PHLDB2: variants seen among roughly 807,000 people sequenced by gnomAD.
PHLDB2 encodes the protein pleckstrin homology like domain family B member 2, also known as pleckstrin homology-like domain family B member 2.
PHLDB2 carries 71 observed loss-of-function variants against 123.6 expected under a neutral mutation model. That is an observed-to-expected ratio of 0.57 (90% CI 0.47 to 0.70). The LOEUF (loss-of-function observed/expected upper bound fraction) is 0.70. Ranked by LOEUF, PHLDB2 falls within the 30% of genes least tolerant of loss-of-function variation. The pLI, the probability that PHLDB2 is intolerant of heterozygous loss-of-function variation, is 0.00. For synonymous variants in PHLDB2, 547 were observed against 541.6 expected, an observed-to-expected ratio of 1.01 and a Z score of -0.14; for missense variants, 1,446 against 1,519.5, an observed-to-expected ratio of 0.95 and a Z score of 0.80.
intron 1 of PHLDB2, among the ~76,000 whole-genome samples, chr3:111,738,586 AC>A (rs2059549140): frequency 6.6e-6 from 1 of 152,072 alleles, no homozygotes; most frequent in South Asian, 2.1e-4. Flanking sequence ...AGTAGGCCAA[AC>A]CACAGCTTCT....
chr3:111,861,509 A>C (rs2064835525), intron 1 of PHLDB2, among the ~76,000 whole-genome samples: 1 of 152,180 alleles, frequency 6.6e-6, no homozygotes, highest in African/African-American at 2.4e-5. Context: ...AGCCTGTCAG[A>C]AGTGGAAAAA....
chr3:111,955,930 G>A (rs1208055129), intron 12 of PHLDB2, among the ~76,000 whole-genome samples: 1 of 152,174 alleles, frequency 6.6e-6, no homozygotes. Flanking sequence ...GCCAGGTGTG[G>A]TGGCTCATGC....
At chr3:111,954,496 A>G (rs2070913431) in intron 12 of PHLDB2, among the ~76,000 whole-genome samples, 1 of 152,162 alleles carries the variant, frequency 6.6e-6, no homozygotes. Context: ...TGTAGATTTG[A>G]GCTTTTATAC....
At chr3:111,825,557 C>T (rs1185633718) in intron 1 of PHLDB2, among the ~76,000 whole-genome samples, 3 of 152,220 alleles carry the variant, frequency 2.0e-5, no homozygotes, top group Non-Finnish European at 2.9e-5. Flanking sequence ...AAGCTGTTCT[C>T]GTGCCTCAGC....
At chr3:111,732,694 A>T (rs1941538984) in exon 1 of PHLDB2, 1 of 1,535,230 alleles carries the variant, frequency 6.5e-7, no homozygotes, top group Non-Finnish European at 8.7e-7. Context: ...ATTGAAAAGC[A>T]GCAGACAAGG....
At chr3:111,851,352 T>G (rs1276458667) in intron 2 of PHLDB2, among the ~76,000 whole-genome samples, 1 of 152,206 alleles carries the variant, frequency 6.6e-6, no homozygotes, top group African/African-American at 2.4e-5. Context: ...ATGTTGTCAC[T>G]GAATTTCTAG....
chr3:111,783,891 A>T (rs1421232004), intron 1 of PHLDB2, among the ~76,000 whole-genome samples: 1 of 152,148 alleles, frequency 6.6e-6, no homozygotes, highest in Non-Finnish European at 1.5e-5. Flanking sequence ...AAAGTTTGTT[A>T]TCTTTAAGAA....
intron 1 of PHLDB2, among the ~76,000 whole-genome samples, chr3:111,784,238 A>G (rs1559829634): frequency 6.6e-6 from 1 of 152,184 alleles, no homozygotes; most frequent in African/African-American, 2.4e-5. Flanking sequence ...AAAGTATTAT[A>G]TAGGTTGACT....
chr3:111,801,351 G>T (rs2061370310), intron 1 of PHLDB2, among the ~76,000 whole-genome samples: 1 of 152,128 alleles, frequency 6.6e-6, no homozygotes, highest in Admixed American at 6.5e-5. Flanking sequence ...GGGGTAAGTA[G>T]ACACAGAAAC....
At chr3:111,817,575 A>G (rs551759160) in intron 1 of PHLDB2, among the ~76,000 whole-genome samples, 1 of 152,348 alleles carries the variant, frequency 6.6e-6, no homozygotes, top group East Asian at 1.9e-4. Context: ...AAATTAAGGC[A>G]CAAGAACAAC....
At chr3:111,791,154 G>C (rs1204555244) in intron 1 of PHLDB2, among the ~76,000 whole-genome samples, 2 of 152,276 alleles carry the variant, frequency 1.3e-5, no homozygotes, top group East Asian at 3.9e-4. Flanking sequence ...TTACACTGTA[G>C]GTGAATGTTT....
chr3:111,775,698 A>G (rs921105817), intron 1 of PHLDB2, among the ~76,000 whole-genome samples: 1 of 152,202 alleles, frequency 6.6e-6, no homozygotes, highest in Non-Finnish European at 1.5e-5. Context: ...AAAACTAGAG[A>G]TAAAATTTTG....
intron 1 of PHLDB2, 159 bp downstream of exon 1, chr3:111,859,735 C>T: frequency 1.0e-6 from 1 of 985,356 alleles, no homozygotes; most frequent in Non-Finnish European, 1.2e-6. Flanking sequence ...GCTGCCCGGG[C>T]CGAGGAGGGG....
intron 13 of PHLDB2, among the ~76,000 whole-genome samples, chr3:111,965,748 A>G (rs1485288072): frequency 2.0e-5 from 3 of 152,216 alleles, no homozygotes; most frequent in Non-Finnish European, 2.9e-5. Flanking sequence ...AGCAAAGTAA[A>G]TAAGTTTTGA....
chr3:111,822,185 G>A (rs981441890), intron 1 of PHLDB2, among the ~76,000 whole-genome samples: 6 of 151,898 alleles, frequency 4.0e-5, no homozygotes, highest in Non-Finnish European at 8.8e-5. Flanking sequence ...CAGAACCTGA[G>A]GTAGTATATT....
chr3:111,761,015 T>C (rs1311917350), intron 1 of PHLDB2, among the ~76,000 whole-genome samples: 1 of 151,776 alleles, frequency 6.6e-6, no homozygotes, highest in African/African-American at 2.4e-5. Context: ...TGAAACCCCG[T>C]CTCTACTAAA....
At chr3:111,889,286 A>G (rs1268435113) in intron 2 of PHLDB2, among the ~76,000 whole-genome samples, 1 of 152,228 alleles carries the variant, frequency 6.6e-6, no homozygotes, top group Non-Finnish European at 1.5e-5. Context: ...TTGTTTTTAA[A>G]ATGTATTTTT....
chr3:111,923,941 C>CA (rs1266641015), intron 5 of PHLDB2, among the ~76,000 whole-genome samples: 9 of 152,220 alleles, frequency 5.9e-5, no homozygotes, highest in Admixed American at 5.9e-4. Context: ...CTGTGGTTTG[C>CA]ATCACACTGT....
chr3:111,918,231 A>G (rs940203402), intron 3 of PHLDB2, among the ~76,000 whole-genome samples: 5 of 152,164 alleles, frequency 3.3e-5, no homozygotes, highest in African/African-American at 1.2e-4. Context: ...TTCCCTGGCC[A>G]TCTGTCATAG....
Sources: gnomAD v4.1 joint callset for allele counts (sites outside exome capture counted in the v4.1 genomes callset) on GRCh38, gnomAD v4.1.1 for gene constraint, MANE v1.5 for transcripts, NCBI Gene and HGNC (gene_info 2026-07-23, HGNC 2026-07-21) for gene names.